Variants in NDRG2 observed in about 807,000 individuals in gnomAD.
The protein encoded by NDRG2 is NDRG family member 2, also known as protein NDRG2.
NDRG2 carries 34 observed loss-of-function variants against 58.2 expected under a neutral mutation model. That is an observed-to-expected ratio of 0.58 (90% CI 0.44 to 0.78). The LOEUF is 0.78. Among genes scored for constraint, NDRG2 ranks in the 30% least tolerant of loss-of-function variants. NDRG2 has a pLI of 0.00. For synonymous variants in NDRG2, 187 were observed against 175.9 expected (o/e 1.06, Z -0.50); for missense variants, 434 against 471.2 (o/e 0.92, Z 0.73).
chr14:21,043,818 T>C, intron 1 of NDRG2: 1 of 220,518 alleles, frequency 4.5e-6, no homozygotes, highest in Admixed American at 5.1e-5. Context: ...GACACAGCTG[T>C]TTCTGTTCCT....
At chr14:21,059,291 A>G (rs185792284) in intron 1 of NDRG2, among the ~76,000 whole-genome samples, 2 of 152,250 alleles carry the variant, frequency 1.3e-5, no homozygotes, top group African/African-American at 4.8e-5. Context: ...CTGAAGACTA[A>G]CTGTGGTAAA....
intron 1 of NDRG2, among the ~76,000 whole-genome samples, chr14:21,059,595 C>A (rs549220624): frequency 6.6e-6 from 1 of 151,966 alleles, no homozygotes; most frequent in Admixed American, 6.5e-5. Flanking sequence ...CCTGGGCTCA[C>A]GTGATCCTCC....
At position 21,042,956 on chromosome 14, in the gene NDRG2, C is replaced by T. The variant is rs1314594792; in HGVS notation, c.25-19635G>A. 3.8e-6 allele frequency: 6 copies of T among 1,577,540 alleles called. No individual in the cohort carries two copies. The African/African-American group carries it at 5.4e-5, about 14-fold the overall frequency. On this transcript the variant is annotated intron_variant, in intron 1 of 14. Coordinates refer to the NDRG2 transcript ENST00000403829. Reference sequence around the variant, plus strand: ...CAACTGAACACCTCTGTCCCAGCGACCCCTGCCCTCCATCCTGACTGCTCC... The same window carrying T: ...CAACTGAACACCTCTGTCCCAGCGATCCCTGCCCTCCATCCTGACTGCTCC...
At chr14:21,022,263 T>C (rs1392630287) in intron 4 of NDRG2, 81 bp from the exon 5 acceptor site, 2 of 1,605,554 alleles carry the variant, frequency 1.2e-6, no homozygotes, top group Non-Finnish European at 1.7e-6. Context: ...CTTCCTTTCA[T>C]GCCACAGTCA....
chr14:21,064,025 C>T (rs1051726244), intron 1 of NDRG2, among the ~76,000 whole-genome samples: 9 of 152,180 alleles, frequency 5.9e-5, no homozygotes, highest in Non-Finnish European at 2.9e-5. Flanking sequence ...TCTTCACAAT[C>T]AACCTTTTTA....
chr14:21,060,163 G>A lies in NDRG2; in HGVS notation c.24+10665C>T, dbSNP rs1355277174. Among the ~76,000 whole-genome samples, 3 of 152,318 alleles carry A rather than the reference G, an allele frequency of 2.0e-5. No homozygotes were observed. The East Asian group carries it at 5.8e-4, about 29-fold the overall frequency. On this transcript the variant is annotated intron_variant, in intron 1 of 14. Coordinates refer to the NDRG2 transcript ENST00000403829. Reference sequence around the variant, plus strand: ...AGGCTATGATTCAGAGTAAGGAAAGGATGTCTGGTGAAACGTGAAGTGGCA... The same window carrying A: ...AGGCTATGATTCAGAGTAAGGAAAGAATGTCTGGTGAAACGTGAAGTGGCA...
At chr14:21,052,165 A>G (rs958995530) in intron 1 of NDRG2, among the ~76,000 whole-genome samples, 20 of 152,244 alleles carry the variant, frequency 1.3e-4, no homozygotes, top group African/African-American at 4.8e-4. Flanking sequence ...AGAGGATCAG[A>G]GTGATGACTG....
chr14:21,017,649 A>G lies in NDRG2; in HGVS notation c.1063T>C (p.Ser355Pro). The G allele has an allele frequency of 6.2e-7, 1 of 1,613,176 alleles. No individual in the cohort carries two copies. Among genetic ancestry groups the G allele is most frequent in the Admixed American group, 1.7e-5 (1 of 59,916 alleles). ...RSRTLSQSSESGTLSSGPPGH... is the reference protein window; with the variant it reads ...RSRTLSQSSEPGTLSSGPPGH... ...GGGGGCCCCGAAGAAAGAGTTCCAG[A>G]CTCGCTGCTCTGGGACAGGGTGCGA... is the stretch of plus-strand genomic sequence containing the variant. Residue 355 changes from serine (S) to proline (P), a missense_variant, in exon 16 of 16, where the codon TCT (serine) becomes CCT (proline). Transcript: ENST00000556147.
chr14:21,050,219 G>C (rs561238550), intron 1 of NDRG2, among the ~76,000 whole-genome samples: 1 of 152,248 alleles, frequency 6.6e-6, no homozygotes, highest in East Asian at 1.9e-4. Context: ...ACCTTCACCT[G>C]AATGCTCATA....
At chr14:21,068,761 G>T (rs984953385) in intron 1 of NDRG2, among the ~76,000 whole-genome samples, 2 of 152,216 alleles carry the variant, frequency 1.3e-5, no homozygotes, top group African/African-American at 4.8e-5. Flanking sequence ...GATGGTTACC[G>T]GGGCTTGTTG....
intron 1 of NDRG2, chr14:21,048,206 C>G (rs920250446): frequency 2.0e-5 from 3 of 152,056 alleles, no homozygotes; most frequent in African/African-American, 7.2e-5. Flanking sequence ...CCTACCCCCA[C>G]CCCACCATGA....
chr14:21,043,392 TG>T (rs780443569), intron 1 of NDRG2: 1 of 1,613,722 alleles, frequency 6.2e-7, no homozygotes, highest in Admixed American at 1.7e-5. Flanking sequence ...CGTAGTGGCC[TG>T]TAAGCCTCCC....
chr14:21,025,244 G>A, upstream of NDRG2: 1 of 848,634 alleles, frequency 1.2e-6, no homozygotes, highest in South Asian at 5.4e-5. The surrounding 1 kb of genome is among the most constrained non-coding windows in gnomAD (Gnocchi z 5.1). Flanking sequence ...GGGGGGCGAG[G>A]GGCGGGCGGC....
intron 1 of NDRG2, among the ~76,000 whole-genome samples, chr14:21,069,957 G>T (rs1429895664): frequency 1.3e-5 from 2 of 152,218 alleles, no homozygotes; most frequent in Non-Finnish European, 2.9e-5. Context: ...ATCCCTTGCC[G>T]AGGCTAAACT....
intron 1 of NDRG2, chr14:21,057,800 AT>A (rs1594516113): frequency 1.8e-6 from 2 of 1,087,176 alleles, no homozygotes; most frequent in East Asian, 5.0e-5. Flanking sequence ...GGCTTAGGGT[AT>A]GAAATTCTTA....
At chr14:21,018,176 C>T in intron 14 of NDRG2, 28 bp downstream of exon 14, 1 of 1,613,476 alleles carries the variant, frequency 6.2e-7, no homozygotes, top group Admixed American at 1.7e-5. Context: ...TGTCCCTTCC[C>T]CATCCCATGG....
chr14:21,020,086 G>A, intron 8 of NDRG2, 110 bp from the exon 9 acceptor site: 4 of 919,886 alleles, frequency 4.3e-6, no homozygotes, highest in Non-Finnish European at 5.2e-6. Context: ...ACGAGGTCAG[G>A]AGTTCAAGAC....
At chr14:21,067,112 G>A (rs1886308391) in intron 1 of NDRG2, among the ~76,000 whole-genome samples, 1 of 152,158 alleles carries the variant, frequency 6.6e-6, no homozygotes, top group East Asian at 1.9e-4. Context: ...CCATAAGATG[G>A]CAGTCATAGC....
intron 1 of NDRG2, among the ~76,000 whole-genome samples, chr14:21,038,419 A>T (rs1884751115): frequency 6.6e-6 from 1 of 152,246 alleles, no homozygotes; most frequent in Non-Finnish European, 1.5e-5. Context: ...GCAGAAAATT[A>T]TACATTCTGA....
Sources: gnomAD v4.1 joint callset for allele counts (sites outside exome capture counted in the v4.1 genomes callset) on GRCh38, gnomAD v4.1.1 for gene constraint, Gnocchi (gnomAD v3.1) non-coding constraint, MANE v1.5 for transcripts, NCBI Gene and HGNC (gene_info 2026-07-23, HGNC 2026-07-21) for gene names.